LAMA3: variants seen among roughly 807,000 people sequenced by gnomAD.
LAMA3 encodes laminin subunit alpha 3, also known as laminin subunit alpha-3.
Under a neutral mutation model 402.0 loss-of-function variants are expected in LAMA3, and 281 were observed. The ratio of observed to expected loss-of-function variants is 0.70; its 90% confidence interval spans 0.63 to 0.77. LAMA3 has a LOEUF of 0.77. Ranked by LOEUF, LAMA3 falls within the 30% of genes least tolerant of loss-of-function variation. The pLI is 0.00. For synonymous variants in LAMA3, 1,431 were observed against 1,558.4 expected (o/e 0.92, Z 1.93); for missense variants, 3,840 against 4,215.5 (o/e 0.91, Z 2.47).
chr18:23,776,679 A>G (rs939367003), intron 10 of LAMA3, among the ~76,000 whole-genome samples: 1 of 152,104 alleles, frequency 6.6e-6, no homozygotes, highest in Non-Finnish European at 1.5e-5. Flanking sequence ...ACTCACATGA[A>G]TGGGTAACTA....
intron 12 of LAMA3, among the ~76,000 whole-genome samples, chr18:23,794,751 A>G (rs1235295429): frequency 6.6e-6 from 1 of 152,164 alleles, no homozygotes; most frequent in African/African-American, 2.4e-5. Flanking sequence ...CTTGTTGAAT[A>G]CACTAATTGT....
chr18:23,763,458 C>G lies in LAMA3; in HGVS notation c.1117C>G (p.Arg373Gly), dbSNP rs191816194. 1 of 1,613,720 alleles carries G rather than the reference C, an allele frequency of 6.2e-7. No homozygotes were observed. The highest frequency in any genetic ancestry group is 8.5e-7 in the Non-Finnish European group (1 of 1,179,842). The change falls in exon 8 of 75, where the codon CGG becomes GGG. Residue 373 changes from arginine to glycine, a missense_variant. By Grantham distance (125) the Arg-to-Gly change is moderately radical (BLOSUM62 -2). Around this residue, in one of 3 missense-constraint regions of LAMA3, gnomAD observed 2,109 missense variants for 2,376.0 expected, o/e 0.89. Coordinates refer to ENST00000313654, the MANE Select transcript of LAMA3 (RefSeq NM_198129.4). ...CTGTTACTATGATCCAGATGTTGAG[C>G]GGCAGCAGGCAAGCTTGAATACCCA... The part of the protein sequence containing the change: ...SNCYYDPDVE[R>G]QQASLNTQGI...
intron 66 of LAMA3, among the ~76,000 whole-genome samples, 167 bp from the exon 67 acceptor site, chr18:23,933,615 C>T (rs1317881518): frequency 1.3e-5 from 2 of 152,164 alleles, no homozygotes; most frequent in African/African-American, 4.8e-5. Context: ...TATTGTGCTG[C>T]CAAACACTAG....
At chr18:23,806,226 C>T (rs1466567094) in intron 12 of LAMA3, among the ~76,000 whole-genome samples, 1 of 152,230 alleles carries the variant, frequency 6.6e-6, no homozygotes, top group African/African-American at 2.4e-5. Flanking sequence ...CCCCATTGCA[C>T]TTAGGTTTTC....
chr18:23,741,363 C>CAACAA lies in LAMA3; in HGVS notation c.448-6580_448-6579insAACAA, dbSNP rs1479309662. Among the ~76,000 whole-genome samples, 554 of 152,260 alleles carry CAACAA rather than the reference C, an allele frequency of 3.6e-3. 2 individuals carry two copies. The highest frequency in any genetic ancestry group is 0.013 in the African/African-American group (531 of 41,536). On this transcript the variant is annotated intron_variant, in intron 2 of 74. Coordinates refer to ENST00000313654, the MANE Select transcript of LAMA3 (RefSeq NM_198129.4). Reference sequence around the variant, plus strand: ...AGGATTAAAAGGATCCCTTTTCAGACTGGTTGGGTTGTATTTTCATCCCTG... The same window carrying CAACAA: ...AGGATTAAAAGGATCCCTTTTCAGACAACAATGGTTGGGTTGTATTTTCATCCCTG...
chr18:23,896,681 C>G (rs969813640), intron 44 of LAMA3, among the ~76,000 whole-genome samples: 1 of 152,166 alleles, frequency 6.6e-6, no homozygotes, highest in Non-Finnish European at 1.5e-5. Flanking sequence ...CAATGCTCAT[C>G]GTTGGGTGAT....
At chr18:23,904,402 C>T in intron 50 of LAMA3, 151 bp from the exon 51 acceptor site, 1 of 937,688 alleles carries the variant, frequency 1.1e-6, no homozygotes, top group Non-Finnish European at 1.6e-6. Context: ...GAGAGAGACT[C>T]TGCCATCTCT....
Position 23,758,413 on chromosome 18 carries a change from A to G in LAMA3, c.965A>G (p.Gln322Arg). Residue 322 changes from glutamine (Q) to arginine (R), a missense_variant, in exon 7 of 75, where the codon CAG (glutamine) becomes CGG (arginine). By Grantham distance (43) the Gln-to-Arg change is conservative (BLOSUM62 1). Transcript: ENST00000313654. Reference protein sequence around the residue: ...NPEKLFRCECQHHTCGETCDR... With the variant: ...NPEKLFRCECRHHTCGETCDR... ...ATGCCCAGGTTTCGGTGTGAATGCC[A>G]GCACCACACCTGTGGGGAGACGTGT... 2.5e-6 allele frequency: 4 copies of G among 1,613,992 alleles called. No homozygotes were observed. Among genetic ancestry groups the G allele is most frequent in the Non-Finnish European group, 3.4e-6 (4 of 1,179,862 alleles).
intron 48 of LAMA3, among the ~76,000 whole-genome samples, chr18:23,902,757 C>G (rs1040652772): frequency 6.6e-6 from 1 of 152,150 alleles, no homozygotes; most frequent in African/African-American, 2.4e-5. Context: ...GCAAGTTGAC[C>G]CCTACTGTAG....
At chr18:23,845,174 T>A (rs778802621) in intron 30 of LAMA3, 50 bp downstream of exon 30, 6 of 1,083,802 alleles carry the variant, frequency 5.5e-6, no homozygotes, top group Non-Finnish European at 8.6e-6. Context: ...CACTCCCACA[T>A]TCCTGACCAG....
intron 2 of LAMA3, among the ~76,000 whole-genome samples, chr18:23,745,274 G>A (rs12955853): frequency 0.49 from 73,661 of 151,766 alleles, 19,579 homozygotes; most frequent in Non-Finnish European, 0.61. Context: ...TCATTGTATT[G>A]TTCTTTGAGC....
Position 23,750,899 on chromosome 18 carries a change from G to A in LAMA3, c.685-19G>A. The A allele has an allele frequency of 6.2e-7, 1 of 1,613,802 alleles. No homozygotes were observed. Among genetic ancestry groups the A allele is most frequent in the Non-Finnish European group, 8.5e-7 (1 of 1,179,746 alleles). ...TAAAAGGAACTTTTTCCCCCTTTAT[G>A]TGTGTGTGGTCATTTTAGGTTGTGG... On this transcript the variant is annotated intron_variant, in intron 4 of 74. Coordinates refer to ENST00000313654, the MANE Select transcript of LAMA3 (RefSeq NM_198129.4).
At chr18:23,799,607 G>A (rs1183604698) in intron 12 of LAMA3, among the ~76,000 whole-genome samples, 1 of 152,204 alleles carries the variant, frequency 6.6e-6, no homozygotes, top group Non-Finnish European at 1.5e-5. Flanking sequence ...GCTCCAGGCA[G>A]CTACCCTAAT....
At chr18:23,828,600 G>T (rs1157369269) in intron 23 of LAMA3, among the ~76,000 whole-genome samples, 1 of 152,106 alleles carries the variant, frequency 6.6e-6, no homozygotes, top group Non-Finnish European at 1.5e-5. Flanking sequence ...GTATTTGTGT[G>T]TGTGTGTTCC....
chr18:23,947,354 T>C (rs1366251376), intron 70 of LAMA3, among the ~76,000 whole-genome samples: 1 of 152,222 alleles, frequency 6.6e-6, no homozygotes, highest in Non-Finnish European at 1.5e-5. Context: ...GTCTAGGGAC[T>C]GTCCTCCGCC....
At position 23,749,484 on chromosome 18, in the gene LAMA3, C is replaced by CG; in HGVS notation, c.625dup (p.Asp209GlyfsTer2). ...GCGGGAGGCAAATATGGCTGTCACCCGGGATGATGATGTACTTTGTGTTAC... is the reference window on the plus strand; with the variant it reads ...GCGGGAGGCAAATATGGCTGTCACCCGGGGATGATGATGTACTTTGTGTTAC... On this transcript the variant is annotated frameshift_variant, in exon 4 of 75. Transcript: ENST00000313654. LOFTEE classifies it high-confidence loss of function. 1 of 1,613,100 alleles carries CG rather than the reference C, an allele frequency of 6.2e-7. No individual in the cohort carries two copies. Among genetic ancestry groups the CG allele is most frequent in the Non-Finnish European group, 8.5e-7 (1 of 1,179,198 alleles).
intron 14 of LAMA3, among the ~76,000 whole-genome samples, chr18:23,813,545 T>C (rs1049474271): frequency 1.3e-5 from 2 of 148,218 alleles, no homozygotes; most frequent in South Asian, 2.1e-4. Flanking sequence ...TTTTCTTTTC[T>C]TTTCTTTCTT....
At chr18:23,873,747 T>C (rs956421472) in intron 38 of LAMA3, among the ~76,000 whole-genome samples, 2 of 152,226 alleles carry the variant, frequency 1.3e-5, no homozygotes, top group Non-Finnish European at 2.9e-5. Context: ...AAATAGATCC[T>C]ATGGCTACAG....
At position 23,784,122 on chromosome 18, in the gene LAMA3, G is replaced by A. The variant is rs756291813; in HGVS notation, c.1568G>A (p.Cys523Tyr). 3 of 1,614,018 alleles carry A rather than the reference G, an allele frequency of 1.9e-6. No individual in the cohort carries two copies. Among genetic ancestry groups the A allele is most frequent in the Non-Finnish European group, 2.5e-6 (3 of 1,180,026 alleles). ...GTTGAGGGCCCTCGATGTGATACCT[G>A]CCGCTCTGGTTTCTACTCATTCCCT... is the stretch of plus-strand genomic sequence containing the variant. ...PGVEGPRCDT[C>Y]RSGFYSFPIC... The change falls in exon 12 of 75, where the codon TGC becomes TAC. Residue 523 changes from cysteine to tyrosine, a missense_variant. Around this residue, in one of 3 missense-constraint regions of LAMA3, gnomAD observed 2,109 missense variants for 2,376.0 expected, o/e 0.89. Coordinates refer to ENST00000313654, the MANE Select transcript of LAMA3 (RefSeq NM_198129.4).
Sources: gnomAD v4.1 joint callset for allele counts (sites outside exome capture counted in the v4.1 genomes callset) on GRCh38, gnomAD v4.1.1 for gene constraint, gnomAD v4.1.1 regional missense constraint, MANE v1.5 for transcripts, NCBI Gene and HGNC (gene_info 2026-07-23, HGNC 2026-07-21) for gene names.